Variants in LRRC63 observed in about 807,000 individuals in gnomAD.
The protein encoded by LRRC63 is leucine rich repeat containing 63.
A neutral mutation model predicts 49.5 loss-of-function variants in LRRC63; 40 were observed. The ratio of observed to expected loss-of-function variants is 0.81; its 90% CI spans 0.63 to 1.05. The LOEUF (loss-of-function observed/expected upper bound fraction) is 1.05, where lower values mean the gene tolerates loss of function less well. LRRC63 is among the 50% of genes least tolerant of loss of function. The pLI is 0.00. For missense variants in LRRC63, 636 were observed against 663.1 expected (o/e 0.96, Z 0.45); for synonymous variants, 191 against 221.1 (o/e 0.86, Z 1.21).
intron 7 of LRRC63, among the ~76,000 whole-genome samples, chr13:46,255,121 A>C (rs1458581934): frequency 6.7e-6 from 1 of 150,054 alleles, no homozygotes; most frequent in Non-Finnish European, 1.5e-5. Context: ...CTACAACAAC[A>C]ATGAGCCTTG....
At chr13:46,243,489 G>A (rs1207118623) in intron 5 of LRRC63, among the ~76,000 whole-genome samples, 1 of 152,076 alleles carries the variant, frequency 6.6e-6, no homozygotes, top group Non-Finnish European at 1.5e-5. Flanking sequence ...AATAATGTAA[G>A]CCCCAGCTAT....
At chr13:46,272,681 C>T (rs953205984) in intron 9 of LRRC63, among the ~76,000 whole-genome samples, 4 of 152,282 alleles carry the variant, frequency 2.6e-5, no homozygotes, top group African/African-American at 9.6e-5. Flanking sequence ...TAACTGCAGC[C>T]TAAATCTGCC....
intron 4 of LRRC63, 104 bp downstream of exon 4, chr13:46,228,837 C>T: frequency 1.4e-6 from 1 of 714,164 alleles, no homozygotes; most frequent in Non-Finnish European, 2.4e-6. Context: ...TTCACACATG[C>T]ATAACACACA....
chr13:46,250,447 A>G, exon 7 of LRRC63: 1 of 1,537,830 alleles, frequency 6.5e-7, no homozygotes, highest in South Asian at 1.2e-5. Flanking sequence ...AGTTCCTTAG[A>G]ATTTTCACCA....
rs11441080 is a variant in LRRC63, at chr13:46,220,650, GAA to G, written c.86-6848_86-6847del. ...GGCATTCCAGGCACCACTGGGGTATGAAAAAAAAAAAAAAACTCCAGCAGCTA... is the reference window on the plus strand; with the variant it reads ...GGCATTCCAGGCACCACTGGGGTATGAAAAAAAAAAAAACTCCAGCAGCTA... On this transcript the variant is annotated intron_variant, in intron 2 of 9. Coordinates refer to ENST00000595396, the Ensembl canonical transcript of LRRC63. Among the ~76,000 whole-genome samples, 4 of 139,408 alleles carry G rather than the reference GAA, an allele frequency of 2.9e-5. No individual in the cohort carries two copies. In the South Asian group the frequency reaches 7.1e-4, roughly 25 times the overall value. 91.5% of individuals were successfully genotyped at this position (139,408 alleles called of 152,430 possible). A position where few individuals can be genotyped will look rare whatever the true frequency, so the allele number is the denominator to read the frequency against.
chr13:46,253,326 T>C (rs1412072074), intron 7 of LRRC63, among the ~76,000 whole-genome samples: 6 of 151,978 alleles, frequency 3.9e-5, no homozygotes, highest in African/African-American at 1.2e-4. Flanking sequence ...GTCCTAAGCA[T>C]TGGGTTCAGA....
chr13:46,229,106 C>G (rs925341977), intron 4 of LRRC63, among the ~76,000 whole-genome samples: 4 of 152,006 alleles, frequency 2.6e-5, no homozygotes, highest in African/African-American at 9.7e-5. Flanking sequence ...AACAATCTCT[C>G]AAATATAGTG....
intron 9 of LRRC63, among the ~76,000 whole-genome samples, chr13:46,269,043 T>A (rs556270272): frequency 6.6e-6 from 1 of 152,254 alleles, no homozygotes; most frequent in South Asian, 2.1e-4. Flanking sequence ...GAGTTATAGA[T>A]ATTTAGGGAT....
At chr13:46,275,656 A>T (rs1364981779) in intron 9 of LRRC63, among the ~76,000 whole-genome samples, 4 of 148,978 alleles carry the variant, frequency 2.7e-5, no homozygotes, top group African/African-American at 9.9e-5. Flanking sequence ...TTAAAATCAG[A>T]TTTTTTTTTT....
intron 9 of LRRC63, among the ~76,000 whole-genome samples, chr13:46,273,911 CA>C (rs34967125): frequency 0.42 from 42,566 of 100,764 alleles, 5,666 homozygotes; most frequent in East Asian, 0.59. Flanking sequence ...GACTCTGTCT[CA>C]AAAAAAAAAA....
chr13:46,223,067 G>C (rs939997416), intron 2 of LRRC63, among the ~76,000 whole-genome samples: 3 of 114,246 alleles, frequency 2.6e-5, no homozygotes, highest in Admixed American at 1.0e-4. Context: ...GTTGTGGGGT[G>C]GGGGGAGGGG....
intron 5 of LRRC63, among the ~76,000 whole-genome samples, chr13:46,236,063 G>C (rs2046895025): frequency 6.6e-6 from 1 of 151,840 alleles, no homozygotes; most frequent in Non-Finnish European, 1.5e-5. Flanking sequence ...ATATTGATTA[G>C]GCAGAATAAA....
intron 9 of LRRC63, 131 bp downstream of exon 9, chr13:46,267,103 A>G: frequency 3.6e-6 from 3 of 843,402 alleles, no homozygotes; most frequent in Non-Finnish European, 5.2e-6. Flanking sequence ...CCATACACAC[A>G]ATTCTTCAAA....
At chr13:46,232,721 T>C (rs1707333044) in intron 4 of LRRC63, among the ~76,000 whole-genome samples, 1 of 151,942 alleles carries the variant, frequency 6.6e-6, no homozygotes, top group Non-Finnish European at 1.5e-5. Flanking sequence ...ACATTAAATT[T>C]AAAAAATTAC....
At chr13:46,276,980 G>C (rs1344661460) in exon 10 of LRRC63, 2 of 154,674 alleles carry the variant, frequency 1.3e-5, no homozygotes, top group South Asian at 4.1e-4. Context: ...GAAGACATAA[G>C]TGTCTTCTCA....
intron 7 of LRRC63, among the ~76,000 whole-genome samples, chr13:46,260,115 G>A (rs1217381299): frequency 6.6e-6 from 1 of 152,136 alleles, no homozygotes; most frequent in African/African-American, 2.4e-5. Context: ...AACCTATTCA[G>A]CTTCCTCAGT....
chr13:46,258,409 G>A lies in LRRC63; in HGVS notation c.1227-3500G>A, dbSNP rs146657494. 5.0e-3 allele frequency among the ~76,000 whole-genome samples: 762 copies of A among 151,178 alleles called. 9 individuals are homozygous for A. Among genetic ancestry groups the A allele is most frequent in the Non-Finnish European group, 8.7e-3 (590 of 67,738 alleles). ...CTCCCAAAGTGCTGGGATTACAGGC[G>A]TGAGCCCCCGCACCCAGCCCTGACC... is the stretch of plus-strand genomic sequence containing the variant. On this transcript the variant is annotated intron_variant, in intron 7 of 9. Transcript: ENST00000595396.
chr13:46,245,172 A>T (rs34663183), intron 5 of LRRC63, among the ~76,000 whole-genome samples: 8,622 of 152,236 alleles, frequency 0.057, 431 homozygotes, highest in Admixed American at 0.081. Flanking sequence ...ATGTGTATAG[A>T]TATAATTAGA....
intron 8 of LRRC63, among the ~76,000 whole-genome samples, chr13:46,264,838 C>A (rs1172672352): frequency 1.3e-5 from 2 of 152,162 alleles, no homozygotes; most frequent in Non-Finnish European, 2.9e-5. Flanking sequence ...AAGGCAGTCT[C>A]AACACAGAGC....
Sources: allele counts gnomAD v4.1 joint callset (sites outside exome capture counted in the v4.1 genomes callset), GRCh38; gene constraint gnomAD v4.1.1; transcripts MANE v1.5; gene names NCBI Gene and HGNC (gene_info 2026-07-23, HGNC 2026-07-21).